The following CASTOR1 variants were observed in gnomAD, a reference collection of about 807,000 sequenced individuals.
The protein encoded by CASTOR1 is GATS protein like 3.
A neutral mutation model predicts 33.7 loss-of-function variants in CASTOR1; 18 were observed. The ratio of observed to expected loss-of-function variants is 0.53; its 90% CI spans 0.37 to 0.79. CASTOR1 has a LOEUF of 0.79. Ranked by LOEUF, CASTOR1 falls within the 30% of genes least tolerant of loss-of-function variation. The pLI is 0.00. For synonymous variants in CASTOR1, 175 were observed against 190.6 expected, an observed-to-expected ratio of 0.92 and a Z score of 0.67; for missense variants, 362 against 446.3, an observed-to-expected ratio of 0.81 and a Z score of 1.70.
chr22:30,288,805 T>C (rs762292324), intron 1 of CASTOR1, 29 bp from the exon 2 acceptor site: 2 of 1,593,638 alleles, frequency 1.3e-6, no homozygotes, highest in South Asian at 2.2e-5. Flanking sequence ...CATCTTCAGC[T>C]TGGTGTGGAG....
chr22:30,288,455 A>C (rs945231393), intron 2 of CASTOR1, among the ~76,000 whole-genome samples: 2 of 152,146 alleles, frequency 1.3e-5, no homozygotes, highest in South Asian at 2.1e-4. Flanking sequence ...TAAGTTTATA[A>C]AGGCCTCATG....
At position 30,285,829 on chromosome 22, in the gene CASTOR1, C is replaced by CCCCCTGCCCCAGCCCTTGGTGCTA; in HGVS notation, c.921+2_921+3insTAGCACCAAGGGCTGGGGCAGGGG. 6.2e-7 allele frequency: 1 copy of CCCCCTGCCCCAGCCCTTGGTGCTA among 1,605,146 alleles called. No individual in the cohort carries two copies. The highest frequency in any genetic ancestry group is 1.1e-5 in the South Asian group (1 of 89,608). The stretch of plus-strand genomic sequence containing the variant: ...CCCCTCTGCCCCAGCCCTTGGTGCT[C>CCCCCTGCCCCAGCCCTTGGTGCTA]ACCAGGGCGTGGTCGAAGTTGAAGG... On this transcript the variant is annotated splice_region_variant and intron_variant, in intron 8 of 8. Coordinates refer to ENST00000407689, the MANE Select transcript of CASTOR1 (RefSeq NM_001037666.3).
At chr22:30,286,975 A>G in intron 4 of CASTOR1, 27 bp from the exon 5 acceptor site, 1 of 1,594,936 alleles carries the variant, frequency 6.3e-7, no homozygotes, top group Non-Finnish European at 8.6e-7. Flanking sequence ...GCAGGTGAAA[A>G]GGTGTCCGTG....
chr22:30,286,956 A>C lies in CASTOR1; in HGVS notation c.506-8T>G, dbSNP rs754135674. ...GCACCGTGGGGCTGGGCCCTGCTGG[A>C]GGACAGCAGCAGGTGAAAAGGTGTC... On this transcript the variant is annotated splice_polypyrimidine_tract_variant and splice_region_variant and intron_variant, in intron 4 of 8. Coordinates refer to ENST00000407689, the MANE Select transcript of CASTOR1 (RefSeq NM_001037666.3). 6 of 1,607,320 alleles carry C rather than the reference A, an allele frequency of 3.7e-6. No homozygotes were observed. The Admixed American group carries it at 1.0e-4, about 27-fold the overall frequency.
chr22:30,286,866 G>A lies in CASTOR1; in HGVS notation c.588C>T (p.Ala196=). Reference sequence around the variant, plus strand: ...GGACATCTATGAGGGTGGTGGCGATGGCTGGAAGCGTCTCAGGGTCCAGTG... The same window carrying A: ...GGACATCTATGAGGGTGGTGGCGATAGCTGGAAGCGTCTCAGGGTCCAGTG... ...VLTLDPETLP[A]IATTLIDVLF... is the part of the protein sequence containing the mutation. Residue 196 remains alanine (A), a synonymous_variant, in exon 5 of 9, where the codon GCC becomes GCT. Transcript: ENST00000407689. 2 of 1,614,238 alleles carry A rather than the reference G, an allele frequency of 1.2e-6. No homozygotes were observed. Among genetic ancestry groups the A allele is most frequent in the Non-Finnish European group, 1.7e-6 (2 of 1,180,044 alleles).
chr22:30,286,244 G>A lies in CASTOR1; in HGVS notation c.743+19C>T, dbSNP rs987576084. 5.7e-6 allele frequency: 9 copies of A among 1,581,474 alleles called. No homozygotes were observed. The highest frequency in any genetic ancestry group is 4.5e-5 in the East Asian group (2 of 44,644). ...ACTGGCTGGGGCCTGGGGCCCACCC[G>A]GGGTCAGGGGTCACCTACTTTTTCT... On this transcript the variant is annotated intron_variant, in intron 6 of 8. Transcript: ENST00000407689.
intron 4 of CASTOR1, 66 bp downstream of exon 4, chr22:30,287,089 A>T: frequency 6.4e-7 from 1 of 1,556,180 alleles, no homozygotes; most frequent in Non-Finnish European, 8.7e-7. Flanking sequence ...TGGGGCCCAA[A>T]AGGGAAGGGA....
At chr22:30,288,663 G>A (rs1414994163) in intron 2 of CASTOR1, 43 bp downstream of exon 2, 2 of 1,531,636 alleles carry the variant, frequency 1.3e-6, no homozygotes, top group East Asian at 2.3e-5. Context: ...AGGGGAGCAC[G>A]ACAAGCCCCT....
At chr22:30,288,616 T>C (rs1929846496) in intron 2 of CASTOR1, 90 bp downstream of exon 2, 1 of 1,144,578 alleles carries the variant, frequency 8.7e-7, no homozygotes, top group South Asian at 1.3e-5. Context: ...CTTAAGCTCT[T>C]GGGACGGATC....
intron 4 of CASTOR1, 69 bp downstream of exon 4, chr22:30,287,086 C>CA: frequency 6.4e-7 from 1 of 1,554,906 alleles, no homozygotes. Context: ...CACTGGGGCC[C>CA]AAAAGGGAAG....
Position 30,287,897 on chromosome 22 carries a change from G to T in CASTOR1, c.185-337C>A, listed in dbSNP as rs1244123930. 5.6e-6 allele frequency: 3 copies of T among 539,456 alleles called. No individual in the cohort carries two copies. In the East Asian group the frequency reaches 1.4e-4, roughly 25 times the overall value. 33.4% of individuals were successfully genotyped at this position (539,456 alleles called of 1,614,324 possible). On this transcript the variant is annotated intron_variant, in intron 2 of 8. Transcript: ENST00000407689. ...GGGACGACAATATCTACCTCACTAC[G>T]GTGTCTTCTGTGGGTTAGCAGAAGC...
rs1929731517 is a variant in CASTOR1, at chr22:30,285,533, T to C, written c.*87A>G. 9.0e-7 allele frequency: 1 copy of C among 1,116,472 alleles called. No individual in the cohort carries two copies. 69.2% of individuals were successfully genotyped at this position (1,116,472 alleles called of 1,614,324 possible). On this transcript the variant is annotated 3_prime_UTR_variant, in exon 9 of 9. Coordinates refer to ENST00000407689, the MANE Select transcript of CASTOR1 (RefSeq NM_001037666.3). ...GTCCCCAGCAGAACAGGGGGCTCGTTCCAGAGCTTAAGGAAATAGCTTAGA... is the reference window on the plus strand; with the variant it reads ...GTCCCCAGCAGAACAGGGGGCTCGTCCCAGAGCTTAAGGAAATAGCTTAGA...
At chr22:30,288,675 C>G in intron 2 of CASTOR1, 31 bp downstream of exon 2, 3 of 1,579,260 alleles carry the variant, frequency 1.9e-6, no homozygotes, top group South Asian at 2.2e-5. Context: ...CAAGCCCCTC[C>G]CGTACTCCCG....
Position 30,286,316 on chromosome 22 carries a change from G to T in CASTOR1, c.690C>A (p.Phe230Leu). 6.2e-7 allele frequency: 1 copy of T among 1,614,144 alleles called. No homozygotes were observed. The highest frequency in any genetic ancestry group is 8.5e-7 in the Non-Finnish European group (1 of 1,179,998). Residue 230 changes from phenylalanine to leucine, a missense_variant, in exon 6 of 9, where the codon TTC (phenylalanine) becomes TTA (leucine). Transcript: ENST00000407689. ...PEPSSITFFA[F>L]SLIEGYISIV... The stretch of plus-strand genomic sequence containing the variant: ...TGGAGATATAACCCTCGATGAGGGA[G>T]AAGGCAAAGAACGTGATGGAGCTGG...
At chr22:30,286,788 A>G (rs765950994) in intron 5 of CASTOR1, 37 bp downstream of exon 5, 125 of 1,613,046 alleles carry the variant, frequency 7.7e-5, no homozygotes, top group Non-Finnish European at 1.0e-4. Context: ...TGTAGGGAAC[A>G]GTGCTGTGAG....
chr22:30,285,758 C>T, intron 8 of CASTOR1, 70 bp from the exon 9 acceptor site: 1 of 1,519,432 alleles, frequency 6.6e-7, no homozygotes, highest in Non-Finnish European at 8.9e-7. Context: ...ACTTCCTGGC[C>T]CAGCTGAGAC....
In CASTOR1 at chr22:30,285,988, G is replaced by A. The variant is rs200317782; in HGVS notation, c.826+28C>T. The A allele has an allele frequency of 2.2e-4, 350 of 1,582,926 alleles. 3 individuals carry two copies. The East Asian group carries it at 5.8e-3, about 26-fold the overall frequency. ...CCGGTTGCTCCCCAGACACTCCCCAGCCCCCCAACACCGGGAACAGCCCTC... is the reference window on the plus strand; with the variant it reads ...CCGGTTGCTCCCCAGACACTCCCCAACCCCCCAACACCGGGAACAGCCCTC... On this transcript the variant is annotated intron_variant, in intron 7 of 8. Coordinates refer to ENST00000407689, the MANE Select transcript of CASTOR1 (RefSeq NM_001037666.3).
chr22:30,286,649 G>A, intron 5 of CASTOR1, 176 bp downstream of exon 5: 1 of 846,658 alleles, frequency 1.2e-6, no homozygotes, highest in Non-Finnish European at 1.9e-6. Context: ...AAGGGATCCA[G>A]CTTTGGGGCA....
chr22:30,287,120 C>T, intron 4 of CASTOR1, 35 bp downstream of exon 4: 2 of 1,587,550 alleles, frequency 1.3e-6, no homozygotes, highest in East Asian at 4.5e-5. Flanking sequence ...AGAGGAGGCC[C>T]TGCCCAAGTC....
Sources: gnomAD v4.1 joint callset for allele counts (sites outside exome capture counted in the v4.1 genomes callset) on GRCh38, gnomAD v4.1.1 for gene constraint, MANE v1.5 for transcripts, NCBI Gene and HGNC (gene_info 2026-07-23, HGNC 2026-07-21) for gene names.